Variants in ENTREP2 observed in about 807,000 individuals in gnomAD.
ENTREP2 encodes the protein protein ENTREP2.
At chr15:29,445,565 G>A in the ENTREP2 span, among the ~76,000 whole-genome samples, 14 of 152,190 alleles carry the variant, frequency 9.2e-5, no homozygotes, top group African/African-American at 3.4e-4. Context: ...GCACATGGAG[G>A]TTCCTGGAGG....
chr15:29,327,973 C>T, the ENTREP2 span, among the ~76,000 whole-genome samples: 1,397 of 152,292 alleles, frequency 9.2e-3, 24 homozygotes, highest in African/African-American at 0.032. Context: ...TTTGAAAACA[C>T]CTGCATGTGA....
At chr15:29,533,760 G>A in the ENTREP2 span, among the ~76,000 whole-genome samples, 3 of 152,038 alleles carry the variant, frequency 2.0e-5, no homozygotes, top group East Asian at 5.8e-4. Context: ...ACAGAAGTCA[G>A]GCATTTCTCC....
At chr15:29,672,019 C>T in the ENTREP2 span, among the ~76,000 whole-genome samples, 2 of 152,210 alleles carry the variant, frequency 1.3e-5, no homozygotes, top group African/African-American at 4.8e-5. Context: ...CAGCATCTCA[C>T]TCTGTCGCCC....
chr15:29,426,749 A>G, the ENTREP2 span, among the ~76,000 whole-genome samples: 1 of 152,178 alleles, frequency 6.6e-6, no homozygotes, highest in Non-Finnish European at 1.5e-5. Context: ...TTGAAGTTTT[A>G]TTCCATTTCT....
the ENTREP2 span, among the ~76,000 whole-genome samples, chr15:29,393,759 AATGTT>A: frequency 6.6e-6 from 1 of 152,138 alleles, no homozygotes; most frequent in Admixed American, 6.5e-5. Context: ...TAAATTAACA[AATGTT>A]ATAAGTTATC....
the ENTREP2 span, among the ~76,000 whole-genome samples, chr15:29,439,289 ACACACACACACACAC>A: frequency 2.8e-3 from 280 of 98,692 alleles, 2 homozygotes; most frequent in African/African-American, 7.9e-3. Context: ...GGAATTACAC[ACACACACACACACAC>A]ACACACACAC....
the ENTREP2 span, among the ~76,000 whole-genome samples, chr15:29,450,912 G>C: frequency 6.6e-6 from 1 of 152,034 alleles, no homozygotes; most frequent in Non-Finnish European, 1.5e-5. Flanking sequence ...GAGTACACAT[G>C]GACAGAAAGA....
chr15:29,422,272 A>AAAAAAAAGAAAAAAG, the ENTREP2 span, among the ~76,000 whole-genome samples: 2 of 151,820 alleles, frequency 1.3e-5, no homozygotes. Context: ...CTCCGTGTCA[A>AAAAAAAAGAAAAAAG]AAAAAAAGAA....
the ENTREP2 span, among the ~76,000 whole-genome samples, chr15:29,649,394 T>C: frequency 6.6e-6 from 1 of 152,114 alleles, no homozygotes; most frequent in African/African-American, 2.4e-5. Flanking sequence ...TACAATTTAT[T>C]TCAGACAGAG....
At chr15:29,665,959 T>C in the ENTREP2 span, among the ~76,000 whole-genome samples, 1 of 149,880 alleles carries the variant, frequency 6.7e-6, no homozygotes, top group Admixed American at 6.7e-5. Flanking sequence ...GTTCAAACAA[T>C]TCTTGTGCCT....
the ENTREP2 span, among the ~76,000 whole-genome samples, chr15:29,404,704 C>T: frequency 1.8e-3 from 278 of 151,988 alleles, 1 homozygote; most frequent in African/African-American, 6.2e-3. Flanking sequence ...GTACCCTAAG[C>T]CTCTCTCAGC....
chr15:29,469,122 C>T, the ENTREP2 span, among the ~76,000 whole-genome samples: 1 of 152,176 alleles, frequency 6.6e-6, no homozygotes, highest in South Asian at 2.1e-4. Context: ...GGATGAACCT[C>T]GAGGACATGG....
chr15:29,436,389 A>T, the ENTREP2 span, among the ~76,000 whole-genome samples: 3 of 152,204 alleles, frequency 2.0e-5, no homozygotes, highest in Non-Finnish European at 2.9e-5. Context: ...CCCATCTGGC[A>T]CTGGGGTCAA....
chr15:29,465,732 GAC>G, the ENTREP2 span, among the ~76,000 whole-genome samples: 6 of 152,318 alleles, frequency 3.9e-5, no homozygotes, highest in East Asian at 9.6e-4. Context: ...TCTTTGGGAT[GAC>G]AGTTATAAAT....
the ENTREP2 span, among the ~76,000 whole-genome samples, chr15:29,621,161 A>G: frequency 4.8e-3 from 737 of 152,076 alleles, 13 homozygotes; most frequent in African/African-American, 0.017. Flanking sequence ...AGGCCGAGGC[A>G]GGCGGATCAC....
At chr15:29,299,194 A>G in the ENTREP2 span, among the ~76,000 whole-genome samples, 1 of 152,194 alleles carries the variant, frequency 6.6e-6, no homozygotes, top group East Asian at 1.9e-4. Context: ...AACTCTTAGC[A>G]TACTTGGTTT....
chr15:29,618,337 C>A, the ENTREP2 span, among the ~76,000 whole-genome samples: 1 of 151,034 alleles, frequency 6.6e-6, no homozygotes, highest in African/African-American at 2.4e-5. Flanking sequence ...ACAGGAGAAT[C>A]GATTGAACCC....
the ENTREP2 span, among the ~76,000 whole-genome samples, chr15:29,227,348 T>C: frequency 1.3e-5 from 2 of 151,994 alleles, no homozygotes; most frequent in Non-Finnish European, 2.9e-5. Flanking sequence ...CTGAAACACG[T>C]TTTTGAGCAT....
chr15:29,604,941 C>T, the ENTREP2 span, among the ~76,000 whole-genome samples: 1 of 152,206 alleles, frequency 6.6e-6, no homozygotes, highest in Non-Finnish European at 1.5e-5. Flanking sequence ...GGGGTCTACA[C>T]ACAGTGACAT....
Sources: gnomAD v4.1 joint callset for allele counts (sites outside exome capture counted in the v4.1 genomes callset) on GRCh38, gnomAD v4.1.1 for gene constraint, MANE v1.5 for transcripts, NCBI Gene and HGNC (gene_info 2026-07-23, HGNC 2026-07-21) for gene names.